DAB1: variants seen among roughly 807,000 people sequenced by gnomAD.
DAB1 encodes disabled homolog 1.
DAB1 carries 15 observed loss-of-function variants against 64.6 expected under a neutral mutation model. The ratio of observed to expected loss-of-function variants is 0.23; its 90% CI spans 0.16 to 0.36. The LOEUF (loss-of-function observed/expected upper bound fraction) is 0.36, where lower values mean the gene tolerates loss of function less well. Ranked by LOEUF, DAB1 falls within the 10% of genes least tolerant of loss-of-function variation. The pLI, the probability that DAB1 is intolerant of heterozygous loss-of-function variation, is 1.00. For missense variants in DAB1, 596 were observed against 706.7 expected, an observed-to-expected ratio of 0.84 and a Z score of 1.78; for synonymous variants, 235 against 251.9, an observed-to-expected ratio of 0.93 and a Z score of 0.64.
intron 4 of DAB1, among the ~76,000 whole-genome samples, chr1:58,186,360 C>T (rs952137287): frequency 2.6e-5 from 4 of 152,138 alleles, no homozygotes; most frequent in African/African-American, 4.8e-5. Context: ...TGAGCCAATT[C>T]GTACTCTTTA....
intron 7 of DAB1, among the ~76,000 whole-genome samples, chr1:57,613,300 T>C (rs1645750543): frequency 6.6e-6 from 1 of 152,154 alleles, no homozygotes; most frequent in Non-Finnish European, 1.5e-5. Context: ...GCTTCTCTAA[T>C]GAAAGGATCC....
At chr1:57,712,606 T>C (rs3131715) in intron 6 of DAB1, among the ~76,000 whole-genome samples, 63,462 of 152,058 alleles carry the variant, frequency 0.42, 14,406 homozygotes, top group African/African-American at 0.61. Flanking sequence ...ATATGCTTAC[T>C]TGAGCAGAAG....
chr1:58,474,506 T>C (rs1009205986), intron 3 of DAB1, among the ~76,000 whole-genome samples: 5 of 152,248 alleles, frequency 3.3e-5, no homozygotes, highest in Admixed American at 3.3e-4. Context: ...CCATGTGACT[T>C]TGGGTACCTG....
intron 5 of DAB1, among the ~76,000 whole-genome samples, chr1:57,990,512 CAGAG>C (rs1646317185): frequency 6.6e-6 from 1 of 152,178 alleles, no homozygotes; most frequent in African/African-American, 2.4e-5. Context: ...GAACTGAGCT[CAGAG>C]AGGTTAATCC....
rs374827372 is a variant in DAB1 at position 57,262,810 on chromosome 1, T to C, written c.67+28154A>G. ...CCCAGCCAGATTCTGAGAGAAGGTCTTTTGGAAGCATTCTCCAATGCTGAA... is the reference window on the plus strand; with the variant it reads ...CCCAGCCAGATTCTGAGAGAAGGTCCTTTGGAAGCATTCTCCAATGCTGAA... On this transcript the variant is annotated intron_variant, in intron 2 of 14. Transcript: ENST00000371236. Among the ~76,000 whole-genome samples the C allele has an allele frequency of 6.1e-4, 93 of 152,316 alleles. 1 individual carries two copies. In the South Asian group the frequency reaches 0.017, roughly 27 times the overall value.
In DAB1 at chr1:57,970,520, G is replaced by A. The variant is rs116131039; in HGVS notation, n.388-86358C>T. On this transcript the variant is annotated intron_variant and non_coding_transcript_variant, in intron 5 of 20. Coordinates refer to the DAB1 transcript ENST00000485760. ...TAAAACATGAGAAAAGGATATCTACGGCGCTTGAGGAAAACTGCCATTGAT... is the reference window on the plus strand; with the variant it reads ...TAAAACATGAGAAAAGGATATCTACAGCGCTTGAGGAAAACTGCCATTGAT... Among the ~76,000 whole-genome samples the A allele has an allele frequency of 1.5e-3, 230 of 152,158 alleles. 1 individual carries two copies. The highest frequency in any genetic ancestry group is 5.3e-3 in the African/African-American group (220 of 41,530).
chr1:57,481,025 C>T (rs1410510439), intron 7 of DAB1, among the ~76,000 whole-genome samples: 1 of 152,164 alleles, frequency 6.6e-6, no homozygotes, highest in Non-Finnish European at 1.5e-5. Flanking sequence ...AAAGCGAGAA[C>T]TTATGACTGA....
chr1:57,153,135 C>T (rs993666866), intron 2 of DAB1, among the ~76,000 whole-genome samples: 9 of 152,296 alleles, frequency 5.9e-5, no homozygotes, highest in Admixed American at 2.0e-4. Flanking sequence ...GAGCGATTCT[C>T]GTGCCTCAGC....
chr1:57,735,631 T>C (rs2101781319), intron 6 of DAB1, among the ~76,000 whole-genome samples: 1 of 150,470 alleles, frequency 6.6e-6, no homozygotes, highest in African/African-American at 2.4e-5. Context: ...TTTTTTTTTT[T>C]TTAGTTAGAA....
chr1:57,316,784 G>A (rs539991769), intron 1 of DAB1, among the ~76,000 whole-genome samples: 5 of 152,156 alleles, frequency 3.3e-5, no homozygotes, highest in Admixed American at 6.5e-5. Context: ...CAACAGTGAC[G>A]GCAACCTACA....
rs1557726093 is a variant in DAB1 at position 58,300,615 on chromosome 1, AGAGAGAG to A, written n.309+42730_309+42736del. Among the ~76,000 whole-genome samples, 106 of 39,042 alleles carry A rather than the reference AGAGAGAG, an allele frequency of 2.7e-3. 1 individual carries two copies. Among genetic ancestry groups the A allele is most frequent in the South Asian group, 4.7e-3 (5 of 1,054 alleles). The allele number at this position is 39,042 out of a possible 152,430, so 25.6% of individuals were successfully genotyped here. A position where few individuals can be genotyped will look rare whatever the true frequency, so the allele number is the denominator to read the frequency against. Reference sequence around the variant, plus strand: ...AAGAAAGAAAGAAAGAAAGAAAGAGAGAGAGAGAGAGAGAGAGAGAGAGAGAGAGAGA... The same window carrying A: ...AAGAAAGAAAGAAAGAAAGAAAGAGAAGAGAGAGAGAGAGAGAGAGAGAGA... On this transcript the variant is annotated intron_variant and non_coding_transcript_variant, in intron 4 of 20. Transcript: ENST00000485760.
intron 1 of DAB1, among the ~76,000 whole-genome samples, chr1:57,337,680 G>A (rs138163739): frequency 0.01 from 1,591 of 152,230 alleles, 29 homozygotes; most frequent in African/African-American, 0.035. Context: ...GAAGAGCGGC[G>A]CCTGGTGAGA....
chr1:58,361,655 T>C (rs571687787), intron 3 of DAB1, among the ~76,000 whole-genome samples: 1 of 152,244 alleles, frequency 6.6e-6, no homozygotes, highest in African/African-American at 2.4e-5. Flanking sequence ...AGGTTAACAA[T>C]GTGAGGTGTA....
At chr1:58,524,900 C>T (rs1018735893) in intron 2 of DAB1, among the ~76,000 whole-genome samples, 1 of 152,184 alleles carries the variant, frequency 6.6e-6, no homozygotes, top group Non-Finnish European at 1.5e-5. Context: ...AAGCTGCTCA[C>T]ATGGAGATGA....
intron 9 of DAB1, among the ~76,000 whole-genome samples, chr1:57,049,264 A>G (rs1419054143): frequency 1.3e-5 from 2 of 151,664 alleles, no homozygotes; most frequent in Admixed American, 6.6e-5. Flanking sequence ...CCTGGCTAAC[A>G]CGGTGAAACC....
chr1:58,266,417 A>G (rs1291158980), intron 4 of DAB1, among the ~76,000 whole-genome samples: 1 of 152,226 alleles, frequency 6.6e-6, no homozygotes, highest in African/African-American at 2.4e-5. Context: ...TTCCACGAGT[A>G]GAACAGAAGC....
Position 58,026,024 on chromosome 1 carries a change from C to A in DAB1, n.387+124487G>T, listed in dbSNP as rs140695417. Among the ~76,000 whole-genome samples the A allele has an allele frequency of 4.2e-3, 642 of 152,196 alleles. 3 individuals are homozygous for A. The highest frequency in any genetic ancestry group is 0.014 in the African/African-American group (600 of 41,538). On this transcript the variant is annotated intron_variant and non_coding_transcript_variant, in intron 5 of 20. Transcript: ENST00000485760. The stretch of plus-strand genomic sequence containing the variant: ...AAACGGCATTTTACTCATGCAACTT[C>A]TCTAATAGCTCTCTAATATATTGCT...
chr1:57,619,709 A>G (rs1456606525), intron 7 of DAB1, among the ~76,000 whole-genome samples: 1 of 152,106 alleles, frequency 6.6e-6, no homozygotes, highest in Non-Finnish European at 1.5e-5. Flanking sequence ...TTTTATAGAT[A>G]AAGAATTGGA....
intron 1 of DAB1, among the ~76,000 whole-genome samples, chr1:57,292,038 T>C (rs2100668435): frequency 6.6e-6 from 1 of 152,232 alleles, no homozygotes; most frequent in Non-Finnish European, 1.5e-5. Flanking sequence ...TATCTGAGAG[T>C]TCTATTAAAA....
Sources: allele counts gnomAD v4.1 joint callset (sites outside exome capture counted in the v4.1 genomes callset), GRCh38; gene constraint gnomAD v4.1.1; transcripts MANE v1.5; gene names NCBI Gene and HGNC (gene_info 2026-07-23, HGNC 2026-07-21).